The following ADGRB3 variants were observed in gnomAD, a reference collection of about 807,000 sequenced individuals.
ADGRB3 encodes brain-specific angiogenesis inhibitor 3.
A neutral mutation model predicts 193.4 loss-of-function variants in ADGRB3; 37 were observed. That is an observed-to-expected ratio of 0.19 (90% CI 0.15 to 0.25). The LOEUF (loss-of-function observed/expected upper bound fraction) is 0.25, where lower values mean the gene tolerates loss of function less well. Ranked by LOEUF, ADGRB3 falls within the 10% of genes least tolerant of loss-of-function variation. The pLI is 1.00. For missense variants in ADGRB3, 1,637 were observed against 1,852.9 expected (o/e 0.88, Z 2.14); for synonymous variants, 690 against 644.2 (o/e 1.07, Z -1.08).
chr6:69,048,103 C>T lies in ADGRB3; in HGVS notation c.2108-82C>T, dbSNP rs1380744176. 6.6e-5 allele frequency: 91 copies of T among 1,377,318 alleles called. No individual in the cohort carries two copies. In the South Asian group the frequency reaches 1.2e-3, roughly 18 times the overall value. 85.3% of individuals were successfully genotyped at this position (1,377,318 alleles called of 1,614,324 possible). A position where few individuals can be genotyped will look rare whatever the true frequency, so the allele number is the denominator to read the frequency against. Reference sequence around the variant, plus strand: ...GACTTGAAATTTTATTTTGAATATACTGCAAGATTTACCTTGATCAACACT... The same window carrying T: ...GACTTGAAATTTTATTTTGAATATATTGCAAGATTTACCTTGATCAACACT... On this transcript the variant is annotated intron_variant, in intron 13 of 31. Coordinates refer to ENST00000370598, the MANE Select transcript of ADGRB3 (RefSeq NM_001704.3).
intron 17 of ADGRB3, among the ~76,000 whole-genome samples, chr6:69,108,831 A>G (rs1245611497): frequency 6.6e-6 from 1 of 152,152 alleles, no homozygotes; most frequent in Admixed American, 6.5e-5. Context: ...CAGGCATGCA[A>G]TGGGATGTGA....
At chr6:69,206,406 A>T (rs2150359686) in intron 17 of ADGRB3, among the ~76,000 whole-genome samples, 1 of 152,188 alleles carries the variant, frequency 6.6e-6, no homozygotes, top group African/African-American at 2.4e-5. Flanking sequence ...CACATCCAGG[A>T]TCAATACTTT....
intron 13 of ADGRB3, among the ~76,000 whole-genome samples, chr6:69,041,050 G>C (rs1334443162): frequency 6.6e-6 from 1 of 152,152 alleles, no homozygotes; most frequent in East Asian, 1.9e-4. Flanking sequence ...AGATCGAGCT[G>C]TTAGAACTCT....
intron 3 of ADGRB3, among the ~76,000 whole-genome samples, chr6:68,871,594 T>A (rs935183298): frequency 5.3e-5 from 8 of 152,112 alleles, no homozygotes; most frequent in Non-Finnish European, 1.2e-4. Flanking sequence ...AAATGTCCTT[T>A]TTCCATAATT....
intron 6 of ADGRB3, among the ~76,000 whole-genome samples, chr6:68,951,129 A>C (rs981743960): frequency 2.0e-5 from 3 of 152,274 alleles, no homozygotes; most frequent in African/African-American, 7.2e-5. Context: ...TATTGCCAAA[A>C]ATGAGACATT....
At chr6:68,734,720 A>G (rs566119463) in intron 3 of ADGRB3, among the ~76,000 whole-genome samples, 10 of 152,088 alleles carry the variant, frequency 6.6e-5, no homozygotes, top group Non-Finnish European at 1.3e-4. Context: ...TGTGTCTCTT[A>G]GAAACAACAA....
chr6:68,799,081 C>T (rs1015543826), intron 3 of ADGRB3, among the ~76,000 whole-genome samples: 1 of 151,656 alleles, frequency 6.6e-6, no homozygotes, highest in East Asian at 1.9e-4. Flanking sequence ...AATACCTTTT[C>T]GTTTAAAGAA....
At chr6:68,975,182 G>A in intron 9 of ADGRB3, 52 bp from the exon 10 acceptor site, 2 of 1,437,814 alleles carry the variant, frequency 1.4e-6, no homozygotes, top group South Asian at 2.3e-5. Context: ...TAAGTGTGAT[G>A]CCTTCAAACA....
chr6:68,755,574 T>C (rs1012908613), intron 3 of ADGRB3, among the ~76,000 whole-genome samples: 65 of 152,106 alleles, frequency 4.3e-4, no homozygotes, highest in African/African-American at 1.4e-3. Context: ...CAGTTGAGAA[T>C]AGTCACTCTA....
At chr6:68,763,343 G>A (rs1265965418) in intron 3 of ADGRB3, among the ~76,000 whole-genome samples, 3 of 152,142 alleles carry the variant, frequency 2.0e-5, no homozygotes, top group East Asian at 1.9e-4. Context: ...GCCCGCCTTG[G>A]CCTCCCAAAG....
chr6:69,358,055 C>A (rs895024162), intron 28 of ADGRB3, among the ~76,000 whole-genome samples: 7 of 151,758 alleles, frequency 4.6e-5, no homozygotes, highest in African/African-American at 1.7e-4. Context: ...AATCTTCCAC[C>A]TTCAGTGTTG....
At chr6:69,331,343 T>G (rs931216413) in intron 23 of ADGRB3, among the ~76,000 whole-genome samples, 6 of 152,188 alleles carry the variant, frequency 3.9e-5, no homozygotes, top group African/African-American at 1.4e-4. Context: ...CAAGTTTTTC[T>G]TGCCCAATAA....
chr6:69,217,831 G>A (rs942442122), intron 17 of ADGRB3, among the ~76,000 whole-genome samples: 1 of 152,124 alleles, frequency 6.6e-6, no homozygotes, highest in Non-Finnish European at 1.5e-5. Flanking sequence ...AGAGTGAGAT[G>A]TGAACTGGAC....
intron 13 of ADGRB3, among the ~76,000 whole-genome samples, chr6:69,020,493 T>C (rs1251282310): frequency 2.0e-5 from 3 of 152,034 alleles, no homozygotes. Context: ...TGCAATAAGA[T>C]TATGTTATCT....
At chr6:69,102,691 T>G (rs1773099173) in intron 17 of ADGRB3, among the ~76,000 whole-genome samples, 1 of 152,210 alleles carries the variant, frequency 6.6e-6, no homozygotes, top group Non-Finnish European at 1.5e-5. Flanking sequence ...ATCAGTAATT[T>G]TATACTGATT....
intron 3 of ADGRB3, among the ~76,000 whole-genome samples, chr6:68,840,036 G>A (rs66779956): frequency 0.3 from 46,338 of 151,952 alleles, 7,586 homozygotes; most frequent in Middle Eastern, 0.52. Flanking sequence ...GAGGGGAATC[G>A]CCCATCCCAA....
intron 3 of ADGRB3, among the ~76,000 whole-genome samples, chr6:68,896,984 C>T (rs950343345): frequency 1.3e-5 from 2 of 152,078 alleles, no homozygotes; most frequent in African/African-American, 2.4e-5. Context: ...CCAGCAGCTC[C>T]TCTGGGGGTT....
At chr6:68,738,863 T>C (rs1765923480) in intron 3 of ADGRB3, among the ~76,000 whole-genome samples, 1 of 152,126 alleles carries the variant, frequency 6.6e-6, no homozygotes, top group Non-Finnish European at 1.5e-5. Flanking sequence ...GTTACAAAAT[T>C]GTATAATCTT....
intron 3 of ADGRB3, among the ~76,000 whole-genome samples, chr6:68,751,548 CTT>C (rs1766199345): frequency 1.3e-5 from 2 of 152,112 alleles, no homozygotes; most frequent in Admixed American, 1.3e-4. Context: ...ATGGTTGTCT[CTT>C]AGCTATTATA....
Sources: gnomAD v4.1 joint callset for allele counts (sites outside exome capture counted in the v4.1 genomes callset) on GRCh38, gnomAD v4.1.1 for gene constraint, MANE v1.5 for transcripts, NCBI Gene and HGNC (gene_info 2026-07-23, HGNC 2026-07-21) for gene names.